Variants in RAP1B observed in about 807,000 individuals in gnomAD.
RAP1B encodes the protein ras-related protein Rap-1b.
A neutral mutation model predicts 27.5 loss-of-function variants in RAP1B; 1 was observed. The ratio of observed to expected loss-of-function variants is 0.04; its 90% CI spans 0.01 to 0.17. RAP1B has a LOEUF of 0.17. Ranked by LOEUF, RAP1B falls within the 10% of genes least tolerant of loss-of-function variation. The pLI is 1.00. For missense variants in RAP1B, 84 were observed against 214.8 expected, an observed-to-expected ratio of 0.39 and a Z score of 3.81; for synonymous variants, 75 against 73.1, an observed-to-expected ratio of 1.03 and a Z score of -0.13.
chr12:68,652,370 C>A (rs561964553), intron 4 of RAP1B, among the ~76,000 whole-genome samples: 24 of 152,086 alleles, frequency 1.6e-4, no homozygotes, highest in African/African-American at 5.5e-4. Context: ...CTCTTGAACC[C>A]AGGAGGCAGA....
At position 68,667,679 on chromosome 12, in the gene RAP1B, C is replaced by A. The variant is rs1874911853; in HGVS notation, c.*8430C>A. On this transcript the variant is annotated 3_prime_UTR_variant, in exon 8 of 8. Coordinates refer to ENST00000250559, the MANE Select transcript of RAP1B (RefSeq NM_001010942.3). ...ATACAAACTTACAGTTCCCAGAAGT[C>A]AATTCAGTCATTCTCTATAAGAGCT... 6.6e-6 allele frequency: 1 copy of A among 152,204 alleles called. No homozygotes were observed. Among genetic ancestry groups the A allele is most frequent in the African/African-American group, 2.4e-5 (1 of 41,460 alleles). 9.4% of individuals were successfully genotyped at this position (152,204 alleles called of 1,614,324 possible). A position where few individuals can be genotyped will look rare whatever the true frequency, so the allele number is the denominator to read the frequency against.
intron 1 of RAP1B, chr12:68,626,810 G>C (rs1871819555): frequency 6.9e-7 from 1 of 1,454,848 alleles, no homozygotes; most frequent in African/African-American, 1.4e-5. Context: ...GTTTGTTTTG[G>C]GTGGACAGGA....
chr12:68,646,290 A>T (rs1440286616), intron 1 of RAP1B, among the ~76,000 whole-genome samples: 1 of 150,164 alleles, frequency 6.7e-6, no homozygotes, highest in African/African-American at 2.4e-5. Context: ...CACTACAACC[A>T]GTTTTTGGTG....
chr12:68,624,070 T>C (rs963420155), intron 1 of RAP1B, among the ~76,000 whole-genome samples: 3 of 151,000 alleles, frequency 2.0e-5, no homozygotes, highest in African/African-American at 7.3e-5. Context: ...TTCAAATGAG[T>C]TAAAAAGGCT....
intron 1 of RAP1B, among the ~76,000 whole-genome samples, chr12:68,647,312 A>G (rs1873478890): frequency 7.6e-6 from 1 of 131,982 alleles, no homozygotes; most frequent in African/African-American, 2.8e-5. Flanking sequence ...AGGCAGGTGG[A>G]TCATGAGGTC....
rs1250348156 is a variant in RAP1B, at chr12:68,660,082, C to A, written c.*833C>A. The A allele has an allele frequency of 8.1e-6, 1 of 124,208 alleles. No homozygotes were observed. The allele number at this position is 124,208 out of a possible 1,614,324, so 7.7% of individuals were successfully genotyped here. A position where few individuals can be genotyped will look rare whatever the true frequency, so the allele number is the denominator to read the frequency against. ...TTTCAGGCTTCTGCAGCTGTAGATT[C>A]TCACTGTGAATCCCTTGCTTGCTCA... On this transcript the variant is annotated 3_prime_UTR_variant, in exon 8 of 8. Coordinates refer to ENST00000250559, the MANE Select transcript of RAP1B (RefSeq NM_001010942.3).
intron 1 of RAP1B, among the ~76,000 whole-genome samples, chr12:68,633,050 A>T (rs1592439357): frequency 6.6e-6 from 1 of 152,338 alleles, no homozygotes; most frequent in East Asian, 1.9e-4. Flanking sequence ...GAAGCTCACT[A>T]AGTTAGAAAG....
intron 4 of RAP1B, among the ~76,000 whole-genome samples, chr12:68,652,734 C>T (rs1457251066): frequency 6.6e-6 from 1 of 152,162 alleles, no homozygotes; most frequent in Non-Finnish European, 1.5e-5. Flanking sequence ...AGGAGAATAG[C>T]TTGAACCCGG....
intron 5 of RAP1B, among the ~76,000 whole-genome samples, chr12:68,654,925 C>CA (rs1204110015): frequency 2.0e-5 from 3 of 152,262 alleles, no homozygotes; most frequent in African/African-American, 7.2e-5. Context: ...GCTGAGATCT[C>CA]AGAGCTTCTG....
Position 68,615,811 on chromosome 12 carries a change from A to G in RAP1B, c.-27+4768A>G, listed in dbSNP as rs561839819. On this transcript the variant is annotated intron_variant, in intron 1 of 7. Coordinates refer to ENST00000250559, the MANE Select transcript of RAP1B (RefSeq NM_001010942.3). ...CACATACATACACACACACATATACATATATCAGTGAGACCTTTTAAATTT... is the reference window on the plus strand; with the variant it reads ...CACATACATACACACACACATATACGTATATCAGTGAGACCTTTTAAATTT... Among the ~76,000 whole-genome samples, 9 of 152,260 alleles carry G rather than the reference A, an allele frequency of 5.9e-5. No homozygotes were observed. The South Asian group carries it at 1.2e-3, about 21-fold the overall frequency.
rs960924179 is a variant in RAP1B, at chr12:68,666,490, G to A, written c.*7241G>A. ...TTAGGATGTACTCCTAGAGGCTCTC[G>A]GAGAGAACCTGTTCCCATGGCATTA... On this transcript the variant is annotated 3_prime_UTR_variant, in exon 8 of 8. Transcript: ENST00000250559. 2 of 152,188 alleles carry A rather than the reference G, an allele frequency of 1.3e-5. No individual in the cohort carries two copies. The highest frequency in any genetic ancestry group is 4.8e-5 in the African/African-American group (2 of 41,444). The allele number at this position is 152,188 out of a possible 1,614,324, so 9.4% of individuals were successfully genotyped here.
chr12:68,647,374 CA>C (rs1450987382), intron 1 of RAP1B, among the ~76,000 whole-genome samples: 71 of 39,374 alleles, frequency 1.8e-3, no homozygotes, highest in Non-Finnish European at 2.3e-3. Flanking sequence ...CCCTGCCCCC[CA>C]CTCCACTCCC....
chr12:68,657,337 TAA>T (rs920014708), intron 7 of RAP1B, 120 bp downstream of exon 7: 31 of 624,644 alleles, frequency 5.0e-5, no homozygotes, highest in African/African-American at 4.9e-4. Flanking sequence ...TTTATTTTTA[TAA>T]GATATCCATG....
At chr12:68,637,994 A>G (rs1472306526) in intron 1 of RAP1B, among the ~76,000 whole-genome samples, 1 of 152,108 alleles carries the variant, frequency 6.6e-6, no homozygotes, top group Non-Finnish European at 1.5e-5. Context: ...GTAACCTGGG[A>G]TGCAAATTTT....
intron 1 of RAP1B, among the ~76,000 whole-genome samples, chr12:68,612,988 GC>G (rs1870713809): frequency 6.6e-6 from 1 of 152,156 alleles, no homozygotes. Context: ...TTTTTAATAT[GC>G]CAGGTATCAA....
intron 4 of RAP1B, 71 bp downstream of exon 4, chr12:68,652,122 A>G (rs1211968338): frequency 7.9e-6 from 9 of 1,144,196 alleles, no homozygotes; most frequent in African/African-American, 1.5e-5. Flanking sequence ...CTAGTACTCT[A>G]TAGACAAATA....
At chr12:68,632,128 TG>T (rs372547444) in intron 1 of RAP1B, among the ~76,000 whole-genome samples, 42 of 133,420 alleles carry the variant, frequency 3.1e-4, no homozygotes, top group African/African-American at 8.3e-4. Context: ...GTTTTGGATT[TG>T]TTTTTTTTTT....
intron 1 of RAP1B, among the ~76,000 whole-genome samples, chr12:68,632,457 C>T (rs898272092): frequency 1.2e-4 from 18 of 151,874 alleles, no homozygotes; most frequent in Non-Finnish European, 2.5e-4. Context: ...TTTTAATTAA[C>T]AAAGCAAAAT....
chr12:68,660,975 TAATTG>T lies in RAP1B; in HGVS notation c.*1731_*1735del, dbSNP rs1190227606. The T allele has an allele frequency of 1.3e-5, 2 of 152,348 alleles. No individual in the cohort carries two copies. Among genetic ancestry groups the T allele is most frequent in the East Asian group, 3.8e-4 (2 of 5,196 alleles). 9.4% of individuals were successfully genotyped at this position (152,348 alleles called of 1,614,324 possible). A position where few individuals can be genotyped will look rare whatever the true frequency, so the allele number is the denominator to read the frequency against. ...ATCGATATTTTTCTTAAATATGCTA[TAATTG>T]AATTCTGTAAGAACTGAATTCTTAT... is the stretch of plus-strand genomic sequence containing the variant. On this transcript the variant is annotated 3_prime_UTR_variant, in exon 8 of 8. Coordinates refer to ENST00000250559, the MANE Select transcript of RAP1B (RefSeq NM_001010942.3).
Sources: gnomAD v4.1 joint callset for allele counts (sites outside exome capture counted in the v4.1 genomes callset) on GRCh38, gnomAD v4.1.1 for gene constraint, MANE v1.5 for transcripts, NCBI Gene and HGNC (gene_info 2026-07-23, HGNC 2026-07-21) for gene names.